The following KIF1B variants were observed in gnomAD, a reference collection of about 807,000 sequenced individuals.
KIF1B encodes kinesin family member 1B.
Under a neutral mutation model 241.9 loss-of-function variants are expected in KIF1B, and 76 were observed. The ratio of observed to expected loss-of-function variants is 0.31; its 90% CI spans 0.26 to 0.38. The LOEUF is 0.38. KIF1B is among the 10% of genes least tolerant of loss of function. KIF1B has a pLI of 1.00. For missense variants in KIF1B, 1,622 were observed against 2,271.4 expected (o/e 0.71, Z 5.81); for synonymous variants, 750 against 796.7 (o/e 0.94, Z 0.99).
At chr1:10,228,367 A>T (rs1646936997) in intron 1 of KIF1B, among the ~76,000 whole-genome samples, 1 of 152,170 alleles carries the variant, frequency 6.6e-6, no homozygotes, top group African/African-American at 2.4e-5. Context: ...AGTTTTTAAA[A>T]AAAAAAGTAT....
chr1:10,343,250 C>G lies in KIF1B; in HGVS notation c.3651C>G (p.Arg1217=). ...QELNSPPQPC[R]RFFPPPMPLS... ...TTTGCAGTCCGCCTCAGCCGTGCCG[C>G]CGATTCTTCCCTCCACCCATGCCAC... Residue 1217 remains arginine (R), a synonymous_variant, in exon 34 of 49, where the codon CGC becomes CGG. Coordinates refer to ENST00000676179, the MANE Select transcript of KIF1B (RefSeq NM_001365951.3). The G allele has an allele frequency of 6.2e-7, 1 of 1,614,214 alleles. No homozygotes were observed. Among genetic ancestry groups the G allele is most frequent in the South Asian group, 1.1e-5 (1 of 91,082 alleles).
In KIF1B at chr1:10,381,592, A is replaced by G. The variant is rs542341466; in HGVS notation, c.*5005A>G. ...AGGTAAAAATAATAAAGGTACAGCC[A>G]GTGCATCAGAAGGTTCTCGATGTGC... is the stretch of plus-strand genomic sequence containing the variant. On this transcript the variant is annotated 3_prime_UTR_variant, in exon 49 of 49. Coordinates refer to ENST00000676179, the MANE Select transcript of KIF1B (RefSeq NM_001365951.3). 30 of 191,466 alleles carry G rather than the reference A, an allele frequency of 1.6e-4. No homozygotes were observed. The highest frequency in any genetic ancestry group is 6.0e-4 in the African/African-American group (26 of 43,088). 11.9% of individuals were successfully genotyped at this position (191,466 alleles called of 1,614,324 possible).
Position 10,306,718 on chromosome 1 carries a change from G to A in KIF1B, c.2115+9472G>A. On this transcript the variant is annotated intron_variant, in intron 22 of 48. Transcript: ENST00000676179. ...ATGGGATCTTGCCTATGAATAGCCA[G>A]TGCACTGCAGCCAGGACAACAGAGT... The A allele has an allele frequency of 3.5e-6, 3 of 866,080 alleles. No individual in the cohort carries two copies. In the South Asian group the frequency reaches 1.7e-4, roughly 48 times the overall value. 53.6% of individuals were successfully genotyped at this position (866,080 alleles called of 1,614,324 possible).
At chr1:10,283,636 A>G (rs913454051) in intron 15 of KIF1B, among the ~76,000 whole-genome samples, 6 of 152,266 alleles carry the variant, frequency 3.9e-5, no homozygotes, top group African/African-American at 1.2e-4. Context: ...TGACTGTGAC[A>G]GCATCATCTG....
At chr1:10,366,902 C>T (rs1012897193) in intron 43 of KIF1B, among the ~76,000 whole-genome samples, 8 of 151,464 alleles carry the variant, frequency 5.3e-5, no homozygotes, top group Admixed American at 2.0e-4. Flanking sequence ...ACCCAGGTGG[C>T]GGAGGCTGCA....
At chr1:10,283,206 CAAAAA>C (rs33994771) in intron 15 of KIF1B, among the ~76,000 whole-genome samples, 20 of 61,570 alleles carry the variant, frequency 3.2e-4, no homozygotes, top group Non-Finnish European at 5.1e-4. Flanking sequence ...GACTCCGTCT[CAAAAA>C]AAAAAAAAAA....
At chr1:10,311,175 T>A (rs1017336888) in intron 22 of KIF1B, among the ~76,000 whole-genome samples, 1 of 151,184 alleles carries the variant, frequency 6.6e-6, no homozygotes, top group Non-Finnish European at 1.5e-5. Context: ...GTTGCAAAAG[T>A]TTTCTGTACT....
intron 2 of KIF1B, among the ~76,000 whole-genome samples, chr1:10,236,350 A>T (rs1647052372): frequency 1.3e-5 from 2 of 152,150 alleles, no homozygotes; most frequent in Admixed American, 6.6e-5. Flanking sequence ...ATTGTAGCTT[A>T]TTACAGCTTA....
intron 2 of KIF1B, among the ~76,000 whole-genome samples, chr1:10,236,080 T>C (rs1297248401): frequency 1.3e-5 from 2 of 151,834 alleles, no homozygotes; most frequent in Admixed American, 6.6e-5. Flanking sequence ...GAGACCAGCC[T>C]GGCCAATATG....
At chr1:10,220,668 C>A (rs1239435761) in intron 1 of KIF1B, among the ~76,000 whole-genome samples, 4 of 151,962 alleles carry the variant, frequency 2.6e-5, no homozygotes, top group African/African-American at 4.8e-5. Context: ...TTCTTTGTTT[C>A]TTTTCTTTTT....
chr1:10,217,278 C>G (rs1646781407), intron 1 of KIF1B, among the ~76,000 whole-genome samples: 1 of 151,200 alleles, frequency 6.6e-6, no homozygotes, highest in Non-Finnish European at 1.5e-5. Flanking sequence ...CCAGCCTTTT[C>G]TACTGTTCTT....
intron 2 of KIF1B, among the ~76,000 whole-genome samples, chr1:10,250,520 G>T (rs1036130099): frequency 1.3e-5 from 2 of 151,974 alleles, no homozygotes; most frequent in African/African-American, 4.8e-5. Context: ...TGTAAATACA[G>T]TATTTTTAAA....
chr1:10,260,715 A>G (rs1648085016), intron 4 of KIF1B, among the ~76,000 whole-genome samples: 1 of 151,886 alleles, frequency 6.6e-6, no homozygotes, highest in Non-Finnish European at 1.5e-5. Context: ...AAATACAAAA[A>G]AATGAGCCAG....
At position 10,261,252 on chromosome 1, in the gene KIF1B, G is replaced by A. The variant is rs1482946051; in HGVS notation, c.364-653G>A. On this transcript the variant is annotated intron_variant, in intron 4 of 48. Coordinates refer to ENST00000676179, the MANE Select transcript of KIF1B (RefSeq NM_001365951.3). ...AAAGTGCTGAGATTTACAGGCGTGA[G>A]CCACTGCACCTGGCCAAATTTTTTT... 3.3e-5 allele frequency among the ~76,000 whole-genome samples: 5 copies of A among 150,460 alleles called. No individual in the cohort carries two copies. In the East Asian group the frequency reaches 9.8e-4, roughly 30 times the overall value.
At chr1:10,358,001 C>G (rs1284617109) in intron 38 of KIF1B, among the ~76,000 whole-genome samples, 1 of 151,094 alleles carries the variant, frequency 6.6e-6, no homozygotes, top group Non-Finnish European at 1.5e-5. Flanking sequence ...AAGAGTGAGA[C>G]TCTGTCTCAG....
rs1272582332 is a variant in KIF1B at position 10,374,632 on chromosome 1, G to T, written c.5096+167G>T. Among the ~76,000 whole-genome samples, 2 of 152,200 alleles carry T rather than the reference G, an allele frequency of 1.3e-5. No individual in the cohort carries two copies. Among genetic ancestry groups the T allele is most frequent in the African/African-American group, 4.8e-5 (2 of 41,458 alleles). On this transcript the variant is annotated intron_variant, in intron 46 of 48. Coordinates refer to ENST00000676179, the MANE Select transcript of KIF1B (RefSeq NM_001365951.3). This position sits in a 1 kb window ranked among gnomAD's most constrained non-coding sequence, Gnocchi z 4.3. ...GAGAGGGCCAGCCTGGGTTTCTCCA[G>T]TTGGGTCTCATAATGCATCTGCACC...
chr1:10,258,803 C>A, intron 4 of KIF1B, 131 bp downstream of exon 4: 1 of 892,718 alleles, frequency 1.1e-6, no homozygotes, highest in Non-Finnish European at 1.8e-6. Flanking sequence ...GATGAACAAC[C>A]CATTATTTTC....
Position 10,303,944 on chromosome 1 carries a change from G to T in KIF1B, c.2115+6698G>T. 6.2e-7 allele frequency: 1 copy of T among 1,614,174 alleles called. No homozygotes were observed. The highest frequency in any genetic ancestry group is 8.5e-7 in the Non-Finnish European group (1 of 1,180,028). The stretch of plus-strand genomic sequence containing the variant: ...CCAGCTTTTAGACGTGGACGTCTGC[G>T]CTGGATGAGGCAAGAGCAAATTCGG... On this transcript the variant is annotated intron_variant, in intron 22 of 48. Transcript: ENST00000676179. The surrounding 1 kb of genome is among the most constrained non-coding windows in gnomAD (Gnocchi z 5.2).
intron 2 of KIF1B, among the ~76,000 whole-genome samples, chr1:10,254,750 G>A (rs1458406071): frequency 2.6e-5 from 4 of 151,562 alleles, no homozygotes; most frequent in East Asian, 1.9e-4. Flanking sequence ...GGTGGCGGGC[G>A]CCTGTAGTCC....
Sources: gnomAD v4.1 joint callset for allele counts (sites outside exome capture counted in the v4.1 genomes callset) on GRCh38, gnomAD v4.1.1 for gene constraint, Gnocchi (gnomAD v3.1) non-coding constraint, MANE v1.5 for transcripts, NCBI Gene and HGNC (gene_info 2026-07-23, HGNC 2026-07-21) for gene names.